The following ANO3 variants were observed in gnomAD, a reference collection of about 807,000 sequenced individuals.
ANO3 encodes the protein anoctamin 3.
ANO3 carries 99 observed loss-of-function variants against 144.8 expected under a neutral mutation model. The observed-to-expected ratio is 0.68, with a 90% CI of 0.58 to 0.81. The LOEUF (loss-of-function observed/expected upper bound fraction) is 0.81, where lower values mean the gene tolerates loss of function less well. Ranked by LOEUF, ANO3 falls within the 30% of genes least tolerant of loss-of-function variation. The pLI is 0.00. For synonymous variants in ANO3, 414 were observed against 392.6 expected (o/e 1.05, Z -0.64); for missense variants, 905 against 1,202.2 (o/e 0.75, Z 3.66).
intron 1 of ANO3, among the ~76,000 whole-genome samples, chr11:26,272,530 C>A (rs1198706558): frequency 6.6e-6 from 1 of 152,050 alleles, no homozygotes; most frequent in Non-Finnish European, 1.5e-5. Context: ...GAAATGAAGT[C>A]ATTTTATGAC....
chr11:26,269,204 A>G (rs559212676), intron 1 of ANO3, among the ~76,000 whole-genome samples: 1 of 152,178 alleles, frequency 6.6e-6, no homozygotes, highest in African/African-American at 2.4e-5. Flanking sequence ...GCTTTTACAC[A>G]TAATCTGCAT....
intron 4 of ANO3, among the ~76,000 whole-genome samples, chr11:26,500,950 A>G (rs1311886629): frequency 1.3e-5 from 2 of 152,216 alleles, no homozygotes; most frequent in Non-Finnish European, 2.9e-5. Flanking sequence ...ATCTAGAACT[A>G]CTAGGTAAAC....
At chr11:26,393,573 T>A (rs1856934077) in intron 1 of ANO3, among the ~76,000 whole-genome samples, 1 of 152,188 alleles carries the variant, frequency 6.6e-6, no homozygotes, top group African/African-American at 2.4e-5. Flanking sequence ...CTAGATTCAA[T>A]TTTTGATCAG....
chr11:26,191,838 C>T (rs555350028), intron 1 of ANO3, among the ~76,000 whole-genome samples: 164 of 152,116 alleles, frequency 1.1e-3, no homozygotes, highest in African/African-American at 3.8e-3. Flanking sequence ...TGTTGCCGAA[C>T]ATCTGTAGGT....
Position 26,547,445 on chromosome 11 carries a change from A to G in ANO3, c.1184A>G (p.Tyr395Cys), listed in dbSNP as rs1177708450. Reference protein sequence around the residue: ...RLYFGEKIGLYFAWLGWYTGM... With the variant: ...RLYFGEKIGLCFAWLGWYTGM... ...TACTTTGGTGAGAAGATTGGACTATACTTTGCTTGGCTGGGATGGTATACT... is the reference window on the plus strand; with the variant it reads ...TACTTTGGTGAGAAGATTGGACTATGCTTTGCTTGGCTGGGATGGTATACT... Residue 395 changes from tyrosine to cysteine, a missense_variant, in exon 12 of 27, where the codon TAC (tyrosine) becomes TGC (cysteine). Physicochemically the swap from Tyr to Cys is radical, Grantham distance 194 (BLOSUM62 -2). Coordinates refer to ENST00000256737, the MANE Select transcript of ANO3 (RefSeq NM_031418.4). 1.2e-6 allele frequency: 2 copies of G among 1,611,944 alleles called. No homozygotes were observed. Among genetic ancestry groups the G allele is most frequent in the Non-Finnish European group, 8.5e-7 (1 of 1,178,524 alleles).
chr11:26,390,434 G>A (rs1856844507), intron 1 of ANO3, among the ~76,000 whole-genome samples: 1 of 151,954 alleles, frequency 6.6e-6, no homozygotes. Context: ...AAAACTTGAT[G>A]TGGCTAGACA....
intron 1 of ANO3, among the ~76,000 whole-genome samples, chr11:26,269,605 G>C (rs929028312): frequency 2.0e-5 from 3 of 152,126 alleles, no homozygotes; most frequent in East Asian, 3.9e-4. Flanking sequence ...ATTTGGACCT[G>C]CTGTCTTAAT....
chr11:26,639,550 C>T (rs542675239), intron 21 of ANO3, among the ~76,000 whole-genome samples: 2 of 152,214 alleles, frequency 1.3e-5, no homozygotes, highest in Admixed American at 6.5e-5. Flanking sequence ...ATTGACATTA[C>T]GGATTGTATA....
At chr11:26,311,279 C>T (rs1335228626) in intron 1 of ANO3, among the ~76,000 whole-genome samples, 1 of 152,130 alleles carries the variant, frequency 6.6e-6, no homozygotes. Flanking sequence ...GCCAGTGCTA[C>T]TACTAGGATT....
intron 1 of ANO3, among the ~76,000 whole-genome samples, chr11:26,350,307 G>A (rs1010335844): frequency 2.6e-5 from 4 of 152,100 alleles, no homozygotes; most frequent in Admixed American, 2.6e-4. Context: ...TGGGCTTGCT[G>A]GGCTGGGACC....
intron 2 of ANO3, among the ~76,000 whole-genome samples, chr11:26,442,974 C>CAGGT (rs1858574717): frequency 6.6e-6 from 1 of 152,092 alleles, no homozygotes; most frequent in Admixed American, 6.5e-5. Flanking sequence ...TCATGTTTGT[C>CAGGT]AGGTTGGTCT....
intron 1 of ANO3, among the ~76,000 whole-genome samples, chr11:26,407,072 G>A (rs368112247): frequency 0.53 from 51,137 of 96,680 alleles, 15,070 homozygotes; most frequent in Non-Finnish European, 0.66. Context: ...GTGTGTGTGT[G>A]TGTGTATATA....
At chr11:26,457,407 G>A (rs146694015) in intron 3 of ANO3, among the ~76,000 whole-genome samples, 1 of 150,438 alleles carries the variant, frequency 6.6e-6, no homozygotes, top group East Asian at 2.0e-4. Context: ...TAATTACATT[G>A]TTTCCTATCT....
chr11:26,312,221 C>T (rs1371296448), intron 1 of ANO3, among the ~76,000 whole-genome samples: 1 of 152,218 alleles, frequency 6.6e-6, no homozygotes, highest in African/African-American at 2.4e-5. Context: ...ATATGTGCCA[C>T]ATTTTCTTAA....
At chr11:26,464,971 C>A (rs1026428035) in intron 4 of ANO3, among the ~76,000 whole-genome samples, 1 of 151,686 alleles carries the variant, frequency 6.6e-6, no homozygotes, top group African/African-American at 2.4e-5. Flanking sequence ...AAGTGAAGAG[C>A]AAAATTACCT....
chr11:26,321,975 T>C (rs1854771281), intron 1 of ANO3, among the ~76,000 whole-genome samples: 1 of 152,050 alleles, frequency 6.6e-6, no homozygotes. Context: ...AACAACAGTG[T>C]TCATGGTTCC....
intron 1 of ANO3, chr11:26,286,036 G>C (rs1853799372): frequency 6.6e-6 from 1 of 152,178 alleles, no homozygotes; most frequent in Non-Finnish European, 1.5e-5. Flanking sequence ...ATCAGATAAA[G>C]TGGCAAATGA....
In ANO3 at chr11:26,343,103, A is replaced by G. The variant is rs1396059100; in HGVS notation, c.46+10782A>G. Among the ~76,000 whole-genome samples the G allele has an allele frequency of 3.9e-5, 6 of 152,266 alleles. No individual in the cohort carries two copies. The East Asian group carries it at 9.6e-4, about 24-fold the overall frequency. ...AACTTACTCATCTTACATAACTGAAACTGTACCCTTTGACCAATAGCTCCA... is the reference window on the plus strand; with the variant it reads ...AACTTACTCATCTTACATAACTGAAGCTGTACCCTTTGACCAATAGCTCCA... On this transcript the variant is annotated intron_variant, in intron 1 of 26. Transcript: ENST00000256737.
At chr11:26,213,132 T>A (rs1350500793) in intron 1 of ANO3, among the ~76,000 whole-genome samples, 1 of 152,080 alleles carries the variant, frequency 6.6e-6, no homozygotes, top group East Asian at 1.9e-4. Flanking sequence ...AAACGTTATC[T>A]CAAAATAATA....
Sources: gnomAD v4.1 joint callset for allele counts (sites outside exome capture counted in the v4.1 genomes callset) on GRCh38, gnomAD v4.1.1 for gene constraint, MANE v1.5 for transcripts, NCBI Gene and HGNC (gene_info 2026-07-23, HGNC 2026-07-21) for gene names.